The following DNA2 variants were observed in gnomAD, a reference collection of about 807,000 sequenced individuals.
DNA2 encodes DNA replication ATP-dependent helicase/nuclease DNA2.
Under a neutral mutation model 119.1 loss-of-function variants are expected in DNA2, and 101 were observed. The ratio of observed to expected loss-of-function variants is 0.85; its 90% confidence interval spans 0.72 to 1.00. The LOEUF is 1.00. Among genes scored for constraint, DNA2 ranks in the 50% least tolerant of loss-of-function variants. The pLI is 0.00. For missense variants in DNA2, 1,121 were observed against 1,255.5 expected, an observed-to-expected ratio of 0.89 and a Z score of 1.62; for synonymous variants, 366 against 424.4, an observed-to-expected ratio of 0.86 and a Z score of 1.69.
At position 68,422,767 on chromosome 10, in the gene DNA2, A is replaced by T. The variant is rs920295453; in HGVS notation, c.2332T>A (p.Phe778Ile). 4 of 1,610,366 alleles carry T rather than the reference A, an allele frequency of 2.5e-6. No individual in the cohort carries two copies. The African/African-American group carries it at 5.4e-5, about 22-fold the overall frequency. The part of the protein sequence containing the change: ...SQPICLGPLF[F>I]SRRFVLVGDH... ...CCCACTAACACAAATCTCCGTGAAA[A>T]AAAAAGGGGGCCCAGACAAATTGGT... Residue 778 changes from phenylalanine (F) to isoleucine (I), a missense_variant, in exon 15 of 21, where the codon TTT becomes ATT. Phe to Ile is a conservative substitution (Grantham distance 21). Coordinates refer to ENST00000358410, the MANE Select transcript of DNA2 (RefSeq NM_001080449.3).
intron 4 of DNA2, among the ~76,000 whole-genome samples, chr10:68,463,765 T>C (rs1241740115): frequency 1.3e-5 from 2 of 152,024 alleles, no homozygotes; most frequent in African/African-American, 4.8e-5. Flanking sequence ...TTCAGGATAA[T>C]ACACATTTAC....
In DNA2 at chr10:68,414,606, T is replaced by C. The variant is rs1322581204; in HGVS notation, c.*433A>G. 6.5e-6 allele frequency: 1 copy of C among 153,344 alleles called. No individual in the cohort carries two copies. Among genetic ancestry groups the C allele is most frequent in the East Asian group, 1.9e-4 (1 of 5,238 alleles). The allele number at this position is 153,344 out of a possible 1,614,324, so 9.5% of individuals were successfully genotyped here. On this transcript the variant is annotated 3_prime_UTR_variant, in exon 21 of 21. Coordinates refer to ENST00000358410, the MANE Select transcript of DNA2 (RefSeq NM_001080449.3). ...AAAACACATCTGATAGCAGAAAAAA[T>C]CCTAGCAAAATGGGCTTTGGATTAG...
At chr10:68,424,514 A>AC in intron 14 of DNA2, 2 of 650,010 alleles carry the variant, frequency 3.1e-6, no homozygotes, top group East Asian at 2.7e-5. Flanking sequence ...AAAAAAAAAA[A>AC]AAAAAACAAA....
intron 5 of DNA2, among the ~76,000 whole-genome samples, chr10:68,457,920 C>A (rs1041876197): frequency 1.3e-5 from 2 of 152,040 alleles, no homozygotes; most frequent in African/African-American, 4.8e-5. Context: ...TGCCCGTAAT[C>A]CCAGCAGGTT....
At chr10:68,470,421 C>A (rs2133453197) in intron 1 of DNA2, 1 of 392,664 alleles carries the variant, frequency 2.5e-6, no homozygotes. Flanking sequence ...TTCTGTAAAG[C>A]GTTCTGTGGG....
chr10:68,417,645 C>A (rs1440779364), intron 19 of DNA2, among the ~76,000 whole-genome samples: 1 of 118,774 alleles, frequency 8.4e-6, no homozygotes, highest in South Asian at 3.4e-4. Flanking sequence ...AGAGCCAGAT[C>A]TCATCTCAAA....
chr10:68,441,752 G>A (rs556032440), intron 9 of DNA2, among the ~76,000 whole-genome samples: 19 of 152,040 alleles, frequency 1.2e-4, no homozygotes, highest in Non-Finnish European at 5.9e-5. Context: ...TCCAGCCTGG[G>A]TGACAGAGTG....
chr10:68,445,728 C>T (rs1009855490), intron 7 of DNA2, among the ~76,000 whole-genome samples: 4 of 151,958 alleles, frequency 2.6e-5, no homozygotes, highest in Admixed American at 6.6e-5. Context: ...TCTAGAATAT[C>T]TTTAATATAA....
chr10:68,463,538 C>T (rs1259117622), intron 4 of DNA2, among the ~76,000 whole-genome samples: 5 of 145,038 alleles, frequency 3.4e-5, no homozygotes, highest in African/African-American at 5.2e-5. Context: ...TGGTGGCAGG[C>T]GCCTGTAGTC....
intron 14 of DNA2, among the ~76,000 whole-genome samples, chr10:68,425,488 G>A (rs1319724813): frequency 6.7e-6 from 1 of 149,960 alleles, no homozygotes; most frequent in Non-Finnish European, 1.5e-5. Flanking sequence ...CGCAAGCTCC[G>A]CCTCCCCGGT....
chr10:68,470,220 A>C, intron 1 of DNA2, 57 bp from the exon 2 acceptor site: 2 of 1,425,814 alleles, frequency 1.4e-6, no homozygotes, highest in Middle Eastern at 1.8e-4. Flanking sequence ...GAAGCCATCC[A>C]ATATGTTTTA....
intron 3 of DNA2, among the ~76,000 whole-genome samples, chr10:68,467,455 G>C (rs2052340582): frequency 6.6e-6 from 1 of 151,958 alleles, no homozygotes; most frequent in Non-Finnish European, 1.5e-5. Flanking sequence ...AAATAAAACT[G>C]CATGTTTCAA....
At chr10:68,421,536 T>C (rs1265911416) in intron 17 of DNA2, among the ~76,000 whole-genome samples, 1 of 151,854 alleles carries the variant, frequency 6.6e-6, no homozygotes, top group Non-Finnish European at 1.5e-5. Context: ...GGCGGATCAT[T>C]TGAAGCCAGG....
At position 68,419,066 on chromosome 10, in the gene DNA2, C is replaced by T. The variant is rs1452019317; in HGVS notation, c.2935G>A (p.Val979Ile). The change falls in exon 19 of 21, where the codon GTA becomes ATA. Residue 979 changes from valine to isoleucine, a missense_variant. Coordinates refer to ENST00000358410, the MANE Select transcript of DNA2 (RefSeq NM_001080449.3). The stretch of plus-strand genomic sequence containing the variant: ...TCCTTATTACTTCTAACAAAAGATA[C>T]TAGGACAATACTTTTGTCCCTTCCT... The part of the protein sequence containing the change: ...YQGRDKSIVL[V>I]SFVRSNKDGT... 4 of 1,610,054 alleles carry T rather than the reference C, an allele frequency of 2.5e-6. No homozygotes were observed. Among genetic ancestry groups the T allele is most frequent in the Non-Finnish European group, 3.4e-6 (4 of 1,178,702 alleles).
intron 6 of DNA2, among the ~76,000 whole-genome samples, chr10:68,448,930 C>CAGGT (rs1326251296): frequency 1.4e-5 from 2 of 140,070 alleles, no homozygotes; most frequent in Non-Finnish European, 1.6e-5. Context: ...GCCACCACAC[C>CAGGT]AGGTGTGTGT....
chr10:68,431,441 C>T (rs189460446), intron 13 of DNA2, among the ~76,000 whole-genome samples: 8 of 152,154 alleles, frequency 5.3e-5, no homozygotes, highest in South Asian at 2.1e-4. Flanking sequence ...CATGCCACTA[C>T]GCCCGGCTAA....
chr10:68,424,129 G>A (rs931893553), intron 14 of DNA2, among the ~76,000 whole-genome samples: 5 of 150,794 alleles, frequency 3.3e-5, no homozygotes, highest in Non-Finnish European at 5.9e-5. Flanking sequence ...TTATGAACAC[G>A]CTTGAATATG....
chr10:68,446,207 G>A (rs1250358272), intron 7 of DNA2, 89 bp downstream of exon 7: 1 of 688,400 alleles, frequency 1.5e-6, no homozygotes, highest in African/African-American at 1.8e-5. Flanking sequence ...TAAGTGCTGT[G>A]AGTAGATTGT....
At chr10:68,449,078 C>A (rs902227755) in intron 6 of DNA2, among the ~76,000 whole-genome samples, 1 of 151,988 alleles carries the variant, frequency 6.6e-6, no homozygotes, top group Non-Finnish European at 1.5e-5. Flanking sequence ...GGATTACAGG[C>A]GTGAGCCACT....
Sources: allele counts gnomAD v4.1 joint callset (sites outside exome capture counted in the v4.1 genomes callset), GRCh38; gene constraint gnomAD v4.1.1; transcripts MANE v1.5; gene names NCBI Gene and HGNC (gene_info 2026-07-23, HGNC 2026-07-21).